SHISA9: variants seen among roughly 807,000 people sequenced by gnomAD.
SHISA9 encodes shisa family member 9.
Under a neutral mutation model 38.0 loss-of-function variants are expected in SHISA9, and 13 were observed. The observed-to-expected ratio is 0.34, with a 90% CI of 0.22 to 0.54. The LOEUF is 0.54. SHISA9 is among the 20% of genes least tolerant of loss of function. The pLI is 0.91. For missense variants in SHISA9, 538 were observed against 575.8 expected, an observed-to-expected ratio of 0.93 and a Z score of 0.67; for synonymous variants, 275 against 242.0, an observed-to-expected ratio of 1.14 and a Z score of -1.27.
chr16:13,351,223 C>G, the SHISA9 span, among the ~76,000 whole-genome samples: 1 of 152,142 alleles, frequency 6.6e-6, no homozygotes, highest in Non-Finnish European at 1.5e-5. Flanking sequence ...TAGTCCCTTA[C>G]CTACACTGCC....
chr16:13,256,177 C>G, the SHISA9 span, among the ~76,000 whole-genome samples: 28 of 152,354 alleles, frequency 1.8e-4, no homozygotes, highest in African/African-American at 5.8e-4. Flanking sequence ...TCCTTTAAGA[C>G]GCAGATCAGA....
At chr16:13,485,599 T>C in the SHISA9 span, among the ~76,000 whole-genome samples, 1 of 152,204 alleles carries the variant, frequency 6.6e-6, no homozygotes, top group Non-Finnish European at 1.5e-5. Flanking sequence ...CAAATGAGGG[T>C]AAATAGAACA....
chr16:12,944,019 A>G (rs2071657462), intron 2 of SHISA9, among the ~76,000 whole-genome samples: 1 of 152,132 alleles, frequency 6.6e-6, no homozygotes. Flanking sequence ...GGTGCATTGC[A>G]AGATGTTTAG....
the SHISA9 span, among the ~76,000 whole-genome samples, chr16:13,322,311 A>G: frequency 6.6e-6 from 1 of 152,222 alleles, no homozygotes; most frequent in Non-Finnish European, 1.5e-5. Context: ...GCCTTTCCCT[A>G]AAGCTGCCAA....
Position 13,235,354 on chromosome 16 carries a change from A to T in SHISA9, c.1220A>T (p.Tyr407Phe). The change falls in exon 5 of 5, where the codon TAC becomes TTC. Residue 407 changes from tyrosine to phenylalanine, a missense_variant. Transcript: ENST00000558583. ...CCCTTGGGAACTCGCCCCCAGCACT[A>T]CCCACCCCCACAGCCATACTTCATC... is the stretch of plus-strand genomic sequence containing the variant. ...SDPLGTRPQH[Y>F]PPPQPYFITN... 1 of 1,542,296 alleles carries T rather than the reference A, an allele frequency of 6.5e-7. No individual in the cohort carries two copies. The highest frequency in any genetic ancestry group is 8.7e-7 in the Non-Finnish European group (1 of 1,146,936).
intron 2 of SHISA9, among the ~76,000 whole-genome samples, chr16:13,018,953 T>C (rs1279860620): frequency 6.6e-6 from 1 of 152,222 alleles, no homozygotes; most frequent in Non-Finnish European, 1.5e-5. Flanking sequence ...CAAGCTACCA[T>C]AGCAAAGTAT....
the SHISA9 span, among the ~76,000 whole-genome samples, chr16:13,515,345 A>G: frequency 6.6e-6 from 1 of 152,208 alleles, no homozygotes. Context: ...TTAAGGCTAC[A>G]TGAAAGAATG....
downstream of SHISA9, among the ~76,000 whole-genome samples, chr16:13,244,732 G>C (rs2142098685): frequency 6.6e-6 from 1 of 152,318 alleles, no homozygotes; most frequent in African/African-American, 2.4e-5. Context: ...CATTGTTCTA[G>C]GGTCAGCTGT....
At chr16:13,406,054 G>A in the SHISA9 span, among the ~76,000 whole-genome samples, 2 of 151,866 alleles carry the variant, frequency 1.3e-5, no homozygotes, top group African/African-American at 2.4e-5. Context: ...CAGAATAAAC[G>A]ACAACCTACA....
intron 2 of SHISA9, among the ~76,000 whole-genome samples, chr16:13,019,941 TTC>T (rs2072825469): frequency 2.4e-5 from 2 of 82,146 alleles, no homozygotes; most frequent in South Asian, 4.0e-4. Context: ...CTTTCTTTCT[TTC>T]TTTCTTTCTT....
the SHISA9 span, among the ~76,000 whole-genome samples, chr16:13,557,041 G>T: frequency 1.3e-5 from 2 of 152,134 alleles, no homozygotes; most frequent in Admixed American, 1.3e-4. Flanking sequence ...GGAGTGTACC[G>T]TTTGGTACTC....
chr16:12,957,423 T>C (rs1329172865), intron 2 of SHISA9, among the ~76,000 whole-genome samples: 1 of 152,128 alleles, frequency 6.6e-6, no homozygotes, highest in Non-Finnish European at 1.5e-5. Flanking sequence ...CCAGCGTGGT[T>C]GGGTTCTGGT....
intron 2 of SHISA9, among the ~76,000 whole-genome samples, chr16:12,978,443 A>C (rs1263520138): frequency 6.6e-6 from 1 of 152,246 alleles, no homozygotes; most frequent in Non-Finnish European, 1.5e-5. Context: ...GCAGAATGTA[A>C]TTATTCTCCA....
At chr16:13,363,888 A>G in the SHISA9 span, among the ~76,000 whole-genome samples, 1 of 152,194 alleles carries the variant, frequency 6.6e-6, no homozygotes, top group Non-Finnish European at 1.5e-5. Context: ...AAATATCAGC[A>G]TGTCCTAAGA....
chr16:13,019,927 CTTTCTTTCTT>C (rs2072822829), intron 2 of SHISA9, among the ~76,000 whole-genome samples: 7 of 93,010 alleles, frequency 7.5e-5, no homozygotes, highest in Non-Finnish European at 1.5e-4. Context: ...TTCTTTCTTT[CTTTCTTTCTT>C]TCTTTCTTTC....
chr16:13,438,707 T>A, the SHISA9 span, among the ~76,000 whole-genome samples: 1 of 152,204 alleles, frequency 6.6e-6, no homozygotes, highest in South Asian at 2.1e-4. Flanking sequence ...CTGTGAAGAC[T>A]ATGTAACCGC....
intron 1 of SHISA9, among the ~76,000 whole-genome samples, chr16:12,912,009 C>T (rs969473795): frequency 6.6e-6 from 1 of 152,234 alleles, no homozygotes; most frequent in Admixed American, 6.5e-5. Context: ...GCCATACAGG[C>T]AGCACATCCC....
Position 12,927,177 on chromosome 16 carries a change from A to G in SHISA9, c.691+10362A>G, listed in dbSNP as rs547987414. ...AATAATTTATAATAAGGTTTTAGGA[A>G]ACTGCCAAAAAGAAAAATCCCAATA... On this transcript the variant is annotated intron_variant, in intron 2 of 4. Transcript: ENST00000558583. Among the ~76,000 whole-genome samples, 12 of 152,340 alleles carry G rather than the reference A, an allele frequency of 7.9e-5. No homozygotes were observed. In the South Asian group the frequency reaches 2.3e-3, roughly 29 times the overall value.
At chr16:13,007,053 C>A (rs974545298) in intron 2 of SHISA9, among the ~76,000 whole-genome samples, 2 of 152,170 alleles carry the variant, frequency 1.3e-5, no homozygotes, top group Non-Finnish European at 2.9e-5. Context: ...TGAATAATTC[C>A]ATAGATATCT....
Sources: allele counts gnomAD v4.1 joint callset (sites outside exome capture counted in the v4.1 genomes callset), GRCh38; gene constraint gnomAD v4.1.1; transcripts MANE v1.5; gene names NCBI Gene and HGNC (gene_info 2026-07-23, HGNC 2026-07-21).